OLA1: variants seen among roughly 807,000 people sequenced by gnomAD.
The protein encoded by OLA1 is Obg like ATPase 1, also known as obg-like ATPase 1.
Under a neutral mutation model 48.4 loss-of-function variants are expected in OLA1, and 14 were observed. That is an observed-to-expected ratio of 0.29 (90% CI 0.19 to 0.45). OLA1 has a LOEUF of 0.45. Ranked by LOEUF, OLA1 falls within the 20% of genes least tolerant of loss-of-function variation. OLA1 has a pLI of 1.00. For missense variants in OLA1, 325 were observed against 467.1 expected (o/e 0.70, Z 2.80); for synonymous variants, 127 against 150.4 (o/e 0.84, Z 1.14).
intron 4 of OLA1, among the ~76,000 whole-genome samples, chr2:174,160,965 C>G (rs1364144172): frequency 1.3e-5 from 2 of 152,142 alleles, no homozygotes; most frequent in Non-Finnish European, 2.9e-5. Context: ...TTAAAGTTAA[C>G]TAGGTTTTTA....
intron 10 of OLA1, among the ~76,000 whole-genome samples, chr2:174,078,762 C>T (rs1380458525): frequency 2.0e-5 from 3 of 151,874 alleles, no homozygotes; most frequent in Non-Finnish European, 4.4e-5. Flanking sequence ...AAACTACTGA[C>T]AATTCACACA....
Position 174,195,021 on chromosome 2 carries a change from T to C in OLA1, c.373+28012A>G, listed in dbSNP as rs1470670838. Among the ~76,000 whole-genome samples the C allele has an allele frequency of 3.3e-5, 5 of 152,078 alleles. No homozygotes were observed. In the East Asian group the frequency reaches 9.6e-4, roughly 29 times the overall value. ...AGATCGGAAGGGACCCACGATATGG[T>C]CTGCAGTTTCAGTTAAACATCCTAT... is the stretch of plus-strand genomic sequence containing the variant. On this transcript the variant is annotated intron_variant, in intron 4 of 10. Transcript: ENST00000284719.
intron 2 of OLA1, among the ~76,000 whole-genome samples, chr2:174,233,375 T>C (rs760988157): frequency 2.0e-5 from 3 of 152,200 alleles, no homozygotes; most frequent in Non-Finnish European, 2.9e-5. Flanking sequence ...TTGTATAATA[T>C]ATTACATTTT....
chr2:174,142,034 C>T, intron 4 of OLA1, 34 bp from the exon 5 acceptor site: 2 of 1,554,978 alleles, frequency 1.3e-6, no homozygotes, highest in Non-Finnish European at 1.8e-6. Flanking sequence ...ATTCAATAAA[C>T]AAATAATACA....
Position 174,183,245 on chromosome 2 carries a change from C to A in OLA1, c.373+39788G>T, listed in dbSNP as rs546393939. ...TTGGCATACCAAGACCCGAAGTTAG[C>A]AGAAAGTAGGCCACTGGCATCAGAA... On this transcript the variant is annotated intron_variant, in intron 4 of 10. Transcript: ENST00000284719. Among the ~76,000 whole-genome samples, 3 of 152,280 alleles carry A rather than the reference C, an allele frequency of 2.0e-5. No individual in the cohort carries two copies. The South Asian group carries it at 6.2e-4, about 32-fold the overall frequency.
intron 5 of OLA1, among the ~76,000 whole-genome samples, chr2:174,127,840 C>CCAATTTAT (rs1163644415): frequency 6.6e-6 from 1 of 152,094 alleles, no homozygotes; most frequent in Non-Finnish European, 1.5e-5. Flanking sequence ...ATTTCTCTAT[C>CCAATTTAT]CTGTCCAATA....
At chr2:174,225,773 A>T (rs960694427) in intron 3 of OLA1, among the ~76,000 whole-genome samples, 1 of 152,196 alleles carries the variant, frequency 6.6e-6, no homozygotes, top group African/African-American at 2.4e-5. Context: ...TTTGAGTTCT[A>T]TTTCTGGTTG....
At chr2:174,243,664 T>C (rs1689060425) in intron 2 of OLA1, among the ~76,000 whole-genome samples, 1 of 152,144 alleles carries the variant, frequency 6.6e-6, no homozygotes, top group Admixed American at 6.6e-5. Context: ...AGAATTTAAA[T>C]TGCAATGGAG....
In OLA1 at chr2:174,072,589, A is replaced by G. The variant is rs1419853685; in HGVS notation, c.*2837T>C. 6.6e-6 allele frequency: 1 copy of G among 152,252 alleles called. No homozygotes were observed. Among genetic ancestry groups the G allele is most frequent in the Admixed American group, 6.5e-5 (1 of 15,290 alleles). The allele number at this position is 152,252 out of a possible 1,614,324, so 9.4% of individuals were successfully genotyped here. On this transcript the variant is annotated 3_prime_UTR_variant, in exon 11 of 11. Coordinates refer to ENST00000284719, the MANE Select transcript of OLA1 (RefSeq NM_013341.5). Reference sequence around the variant, plus strand: ...CTCTTGTAAAATAAAAAGAGCATCAAGTGAATTTAAGTAGACTAATCAGAA... The same window carrying G: ...CTCTTGTAAAATAAAAAGAGCATCAGGTGAATTTAAGTAGACTAATCAGAA...
intron 7 of OLA1, among the ~76,000 whole-genome samples, chr2:174,115,006 C>T (rs562482381): frequency 1.1e-4 from 16 of 151,868 alleles, no homozygotes; most frequent in African/African-American, 3.4e-4. Flanking sequence ...AGCCTGCGCC[C>T]GTCAGGGAGG....
intron 7 of OLA1, among the ~76,000 whole-genome samples, chr2:174,082,981 A>G (rs917326619): frequency 2.0e-5 from 3 of 152,144 alleles, no homozygotes; most frequent in African/African-American, 4.8e-5. Flanking sequence ...AGATAATAAT[A>G]GTACATATTA....
rs531295026 is a variant in OLA1 at position 174,074,186 on chromosome 2, G to C, written c.*1240C>G. The C allele has an allele frequency of 2.0e-5, 3 of 152,262 alleles. No homozygotes were observed. In the South Asian group the frequency reaches 6.2e-4, roughly 32 times the overall value. The allele number at this position is 152,262 out of a possible 1,614,324, so 9.4% of individuals were successfully genotyped here. A position where few individuals can be genotyped will look rare whatever the true frequency, so the allele number is the denominator to read the frequency against. ...CCAAAGCGATACAGTAGAGGCAAAG[G>C]CTGGCTGGGTATGAATCTGCATTCC... On this transcript the variant is annotated 3_prime_UTR_variant, in exon 11 of 11. Coordinates refer to ENST00000284719, the MANE Select transcript of OLA1 (RefSeq NM_013341.5).
chr2:174,125,404 T>C (rs1373002192), intron 5 of OLA1, among the ~76,000 whole-genome samples: 1 of 151,936 alleles, frequency 6.6e-6, no homozygotes, highest in East Asian at 1.9e-4. Context: ...CTATGATGAG[T>C]GGCCAGAACA....
intron 7 of OLA1, among the ~76,000 whole-genome samples, chr2:174,083,323 T>A (rs1260579307): frequency 6.6e-6 from 1 of 151,888 alleles, no homozygotes; most frequent in Non-Finnish European, 1.5e-5. Context: ...GGGAGCAGAG[T>A]TATTAGAAAA....
chr2:174,247,788 T>G, intron 1 of OLA1: 2 of 1,550,340 alleles, frequency 1.3e-6, no homozygotes, highest in Non-Finnish European at 1.7e-6. Flanking sequence ...AATGGTAAAT[T>G]AATCGACGGA....
intron 3 of OLA1, among the ~76,000 whole-genome samples, chr2:174,225,712 C>T (rs1028214616): frequency 6.6e-6 from 1 of 152,112 alleles, no homozygotes; most frequent in Non-Finnish European, 1.5e-5. Context: ...TGCAGAAGTA[C>T]AGTAAGTAGC....
chr2:174,119,628 G>A (rs1444447102), intron 7 of OLA1, among the ~76,000 whole-genome samples: 1 of 152,018 alleles, frequency 6.6e-6, no homozygotes, highest in Non-Finnish European at 1.5e-5. Flanking sequence ...CACATAATGT[G>A]TAGTATCCCC....
chr2:174,200,210 G>C (rs1021690024), intron 4 of OLA1, among the ~76,000 whole-genome samples: 1 of 151,996 alleles, frequency 6.6e-6, no homozygotes, highest in Non-Finnish European at 1.5e-5. Context: ...GGTTTTGAGA[G>C]CCCTTAATAA....
chr2:174,117,689 G>T (rs1685815444), intron 7 of OLA1, among the ~76,000 whole-genome samples: 1 of 152,082 alleles, frequency 6.6e-6, no homozygotes, highest in South Asian at 2.1e-4. Flanking sequence ...ACACAAGCAG[G>T]ACACATTAGG....
Sources: allele counts gnomAD v4.1 joint callset (sites outside exome capture counted in the v4.1 genomes callset), GRCh38; gene constraint gnomAD v4.1.1; transcripts MANE v1.5; gene names NCBI Gene and HGNC (gene_info 2026-07-23, HGNC 2026-07-21).